CPLX1: variants seen among roughly 807,000 people sequenced by gnomAD.
CPLX1 encodes complexin-1.
Under a neutral mutation model 15.6 loss-of-function variants are expected in CPLX1, and 6 were observed. That is an observed-to-expected ratio of 0.39 (90% confidence interval 0.21 to 0.76). CPLX1 has a LOEUF of 0.76. Among genes scored for constraint, CPLX1 ranks in the 30% least tolerant of loss-of-function variants. The pLI is 0.43. For missense variants in CPLX1, 242 were observed against 188.6 expected (o/e 1.28, Z -1.66); for synonymous variants, 91 against 75.2 (o/e 1.21, Z -1.08).
chr4:823,981 G>A (rs532328113), intron 2 of CPLX1, among the ~76,000 whole-genome samples: 11 of 152,334 alleles, frequency 7.2e-5, no homozygotes, highest in African/African-American at 2.6e-4. Context: ...TGAGGATGGC[G>A]CTGCCTCACC....
intron 3 of CPLX1, among the ~76,000 whole-genome samples, chr4:792,078 G>T (rs954456726): frequency 6.6e-6 from 1 of 152,054 alleles, no homozygotes; most frequent in Non-Finnish European, 1.5e-5. Flanking sequence ...CTCACTCCAG[G>T]CCGGGCTCAC....
intron 2 of CPLX1, among the ~76,000 whole-genome samples, chr4:823,990 C>T (rs1340196466): frequency 6.6e-6 from 1 of 152,250 alleles, no homozygotes; most frequent in Non-Finnish European, 1.5e-5. Flanking sequence ...CGCTGCCTCA[C>T]CCAAGTGAAA....
intron 3 of CPLX1, among the ~76,000 whole-genome samples, chr4:790,025 CGGGGTTCCCCCACCCCCCAA>C (rs1560236303): frequency 3.8e-5 from 3 of 79,880 alleles, no homozygotes; most frequent in Non-Finnish European, 7.4e-5. Context: ...CGCCTGAGGG[CGGGGTTCCCCCACCCCCCAA>C]AGGCCACGCC....
chr4:792,618 A>G lies in CPLX1; in HGVS notation c.32-10T>C. On this transcript the variant is annotated splice_polypyrimidine_tract_variant and intron_variant, in intron 2 of 3. Coordinates refer to ENST00000304062, the MANE Select transcript of CPLX1 (RefSeq NM_006651.4). ...ATGTCCTTGGTGGCCCCTGGTACAGAAGTTGGTGATTCAGACCGCCCCATT... is the reference window on the plus strand; with the variant it reads ...ATGTCCTTGGTGGCCCCTGGTACAGGAGTTGGTGATTCAGACCGCCCCATT... 1 of 1,607,250 alleles carries G rather than the reference A, an allele frequency of 6.2e-7. No individual in the cohort carries two copies.
chr4:810,940 G>A (rs1046751444), intron 2 of CPLX1, among the ~76,000 whole-genome samples: 12 of 151,328 alleles, frequency 7.9e-5, no homozygotes, highest in South Asian at 6.3e-4. Flanking sequence ...CAGGTGATCC[G>A]CCCGCCTCAG....
At chr4:819,458 C>T (rs750725111) in intron 2 of CPLX1, among the ~76,000 whole-genome samples, 11 of 152,238 alleles carry the variant, frequency 7.2e-5, no homozygotes, top group Non-Finnish European at 1.5e-4. Flanking sequence ...GCTTTCTCGA[C>T]CACACGGCGT....
At chr4:802,759 C>T (rs1746481967) in intron 2 of CPLX1, among the ~76,000 whole-genome samples, 1 of 152,096 alleles carries the variant, frequency 6.6e-6, no homozygotes, top group African/African-American at 2.4e-5. Context: ...ACCAGCCTGG[C>T]CAACATCGTG....
At chr4:794,795 G>A (rs1207328422) in intron 2 of CPLX1, among the ~76,000 whole-genome samples, 1 of 152,224 alleles carries the variant, frequency 6.6e-6, no homozygotes, top group Non-Finnish European at 1.5e-5. Context: ...GGGGTTCCTG[G>A]CAGGGGTGGG....
At chr4:801,810 G>A (rs936123823) in intron 2 of CPLX1, among the ~76,000 whole-genome samples, 6 of 152,202 alleles carry the variant, frequency 3.9e-5, no homozygotes, top group African/African-American at 9.7e-5. Context: ...AAAGTTGATC[G>A]ACGTGTCAGT....
intron 2 of CPLX1, among the ~76,000 whole-genome samples, chr4:804,250 T>G (rs1746513434): frequency 6.6e-6 from 1 of 152,228 alleles, no homozygotes; most frequent in Non-Finnish European, 1.5e-5. Context: ...CCTCTCTTCC[T>G]GATGACACGA....
chr4:816,184 C>T (rs956859483), intron 2 of CPLX1, among the ~76,000 whole-genome samples: 13 of 150,202 alleles, frequency 8.7e-5, no homozygotes, highest in African/African-American at 2.9e-4. Flanking sequence ...CTTAAATTTA[C>T]AAGTGGATCT....
chr4:794,592 T>C (rs535863693), intron 2 of CPLX1, among the ~76,000 whole-genome samples: 13 of 152,324 alleles, frequency 8.5e-5, no homozygotes, highest in South Asian at 2.1e-4. Flanking sequence ...GGGCTGTCTC[T>C]AGCAGGTGTG....
chr4:824,426 A>G, intron 2 of CPLX1, 66 bp downstream of exon 2: 1 of 1,411,326 alleles, frequency 7.1e-7, no homozygotes, highest in Non-Finnish European at 1.0e-6. Flanking sequence ...CCAGATGAGG[A>G]GCAGCTGCTG....
rs1746040864 is a variant in CPLX1, at chr4:787,632, A to T, written c.208-934T>A. ...AACACCAGGGATTCGGGGCCGCCAG[A>T]CGCAGGAAGGGGCAGGGAAGGGCCC... On this transcript the variant is annotated intron_variant, in intron 3 of 3. Coordinates refer to ENST00000304062, the MANE Select transcript of CPLX1 (RefSeq NM_006651.4). 6.3e-6 allele frequency: 6 copies of T among 959,634 alleles called. No homozygotes were observed. In the Admixed American group the frequency reaches 3.7e-4, roughly 59 times the overall value. 59.4% of individuals were successfully genotyped at this position (959,634 alleles called of 1,614,324 possible). A position where few individuals can be genotyped will look rare whatever the true frequency, so the allele number is the denominator to read the frequency against.
intron 2 of CPLX1, among the ~76,000 whole-genome samples, chr4:823,906 A>G (rs2152649141): frequency 6.6e-6 from 1 of 152,358 alleles, no homozygotes; most frequent in Non-Finnish European, 1.5e-5. Context: ...CCTGGGAGGC[A>G]GTCGAGACAC....
At chr4:790,748 C>A (rs1441482906) in intron 3 of CPLX1, among the ~76,000 whole-genome samples, 1 of 152,110 alleles carries the variant, frequency 6.6e-6, no homozygotes, top group Non-Finnish European at 1.5e-5. Context: ...CCCACCATCG[C>A]TTTGTGTCCT....
At chr4:795,923 TC>T (rs1239660060) in intron 2 of CPLX1, among the ~76,000 whole-genome samples, 2 of 151,912 alleles carry the variant, frequency 1.3e-5, no homozygotes, top group African/African-American at 2.4e-5. Context: ...TCTGCAGACA[TC>T]GGGGAGGGTG....
In CPLX1 at chr4:792,535, C is replaced by G. The variant is rs775215228; in HGVS notation, c.105G>C (p.Glu35Asp). Residue 35 changes from glutamate to aspartate, a missense_variant, in exon 3 of 4, where the codon GAG (glutamate) becomes GAC (aspartate). Physicochemically the swap from Glu to Asp is conservative, Grantham distance 45 (BLOSUM62 2). Transcript: ENST00000304062. ...CCTGGCGCAGCGCCTCCTGCCGCTCCTCCTCCTTCTTGGCGGCGTCTGGGT... is the reference window on the plus strand; with the variant it reads ...CCTGGCGCAGCGCCTCCTGCCGCTCGTCCTCCTTCTTGGCGGCGTCTGGGT... ...EKDPDAAKKEEERQEALRQAE... is the reference protein window; with the variant it reads ...EKDPDAAKKEDERQEALRQAE... 6.2e-7 allele frequency: 1 copy of G among 1,613,550 alleles called. No individual in the cohort carries two copies. Among genetic ancestry groups the G allele is most frequent in the Non-Finnish European group, 8.5e-7 (1 of 1,179,766 alleles).
intron 2 of CPLX1, among the ~76,000 whole-genome samples, chr4:802,155 A>G (rs1278561407): frequency 6.6e-6 from 1 of 152,234 alleles, no homozygotes; most frequent in Non-Finnish European, 1.5e-5. Context: ...AGCAACTCAA[A>G]TGTCCATCAA....
Sources: allele counts gnomAD v4.1 joint callset (sites outside exome capture counted in the v4.1 genomes callset), GRCh38; gene constraint gnomAD v4.1.1; transcripts MANE v1.5; gene names NCBI Gene and HGNC (gene_info 2026-07-23, HGNC 2026-07-21).